CEP120: variants seen among roughly 807,000 people sequenced by gnomAD.
The protein encoded by CEP120 is centrosomal protein 120.
In CEP120, 113 loss-of-function variants were observed where a neutral mutation model predicts 126.5. The observed-to-expected ratio is 0.89, with a 90% CI of 0.77 to 1.04. The LOEUF is 1.04. CEP120 is among the 50% of genes least tolerant of loss of function. The probability of loss-of-function intolerance (pLI) is 0.00; values close to 1 mark genes in which losing one functional copy is unlikely to be tolerated. For synonymous variants in CEP120, 400 were observed against 394.3 expected (o/e 1.01, Z -0.17); for missense variants, 1,230 against 1,155.7 (o/e 1.06, Z -0.93).
chr5:123,388,603 C>G lies in CEP120; in HGVS notation c.1259G>C (p.Ser420Thr). The change falls in exon 9 of 20, where the codon AGT (serine) becomes ACT (threonine). Residue 420 changes from serine to threonine, a missense_variant. Transcript: ENST00000306467. Reference protein sequence around the residue: ...DKDTKPNPKASSSVPASLAQL... With the variant: ...DKDTKPNPKATSSVPASLAQL... ...GGCCAGTGAAGCAGGTACAGAAGAA[C>G]TGGCTGAAATGAACATAAAATAAAA... 2 of 1,567,784 alleles carry G rather than the reference C, an allele frequency of 1.3e-6. No homozygotes were observed. The highest frequency in any genetic ancestry group is 1.7e-6 in the Non-Finnish European group (2 of 1,162,164).
At chr5:123,400,946 G>A (rs1037466339) in intron 4 of CEP120, 16 of 1,553,840 alleles carry the variant, frequency 1.0e-5, no homozygotes, top group African/African-American at 4.1e-5. Flanking sequence ...CAGAGGACTC[G>A]GACACCAGCT....
At chr5:123,391,577 G>A (rs111540081) in intron 6 of CEP120, among the ~76,000 whole-genome samples, 7 of 146,528 alleles carry the variant, frequency 4.8e-5, no homozygotes, top group African/African-American at 1.0e-4. Flanking sequence ...TTCTTCTTTC[G>A]GTATTACATA....
At position 123,379,073 on chromosome 5, in the gene CEP120, G is replaced by A. The variant is rs188869226; in HGVS notation, c.2104-645C>T. Among the ~76,000 whole-genome samples the A allele has an allele frequency of 1.2e-3, 182 of 152,130 alleles. 1 individual carries two copies. The highest frequency in any genetic ancestry group is 4.0e-3 in the African/African-American group (167 of 41,508). ...TAGTCAAAGAAGCCAAATAGAGGAA[G>A]TGTTTCAAAGACAGAGATAAACCGG... On this transcript the variant is annotated intron_variant, in intron 14 of 19. Coordinates refer to ENST00000306467, the MANE Select transcript of CEP120 (RefSeq NM_001375405.1).
At chr5:123,399,599 A>T (rs1773039519) in intron 4 of CEP120, among the ~76,000 whole-genome samples, 1 of 152,248 alleles carries the variant, frequency 6.6e-6, no homozygotes, top group Admixed American at 6.5e-5. Context: ...GATATGGCTA[A>T]GAAGAAAAGG....
At chr5:123,403,425 A>G in intron 4 of CEP120, 2 of 405,550 alleles carry the variant, frequency 4.9e-6, no homozygotes, top group Non-Finnish European at 9.6e-6. Flanking sequence ...GGCTGCCCAA[A>G]TCTGGGACAA....
intron 14 of CEP120, 131 bp downstream of exon 14, chr5:123,381,980 A>T: frequency 1.7e-6 from 1 of 601,454 alleles, no homozygotes; most frequent in Non-Finnish European, 2.8e-6. Flanking sequence ...CAGAGCCACC[A>T]CTCACTTCTT....
At chr5:123,403,019 G>A (rs766324932) in intron 4 of CEP120, among the ~76,000 whole-genome samples, 82 of 152,332 alleles carry the variant, frequency 5.4e-4, no homozygotes, top group Non-Finnish European at 9.1e-4. Flanking sequence ...CCAGCACTGC[G>A]AGAAATAAAT....
chr5:123,349,321 T>C (rs1156600364), intron 19 of CEP120, among the ~76,000 whole-genome samples: 1 of 152,102 alleles, frequency 6.6e-6, no homozygotes, highest in African/African-American at 2.4e-5. Context: ...GGTGAAAATA[T>C]CTTCCTCACA....
At chr5:123,403,476 A>G (rs566444102) in intron 4 of CEP120, 8 of 343,094 alleles carry the variant, frequency 2.3e-5, no homozygotes, top group Non-Finnish European at 4.5e-5. Flanking sequence ...ACTAAATAAA[A>G]AGAGAAAACT....
chr5:123,365,129 A>G (rs564617156), intron 17 of CEP120, among the ~76,000 whole-genome samples: 7 of 151,870 alleles, frequency 4.6e-5, no homozygotes, highest in African/African-American at 1.7e-4. Context: ...GAAAGAGTAC[A>G]AAGTCAAAAA....
chr5:123,365,387 G>C (rs1770384851), intron 17 of CEP120, among the ~76,000 whole-genome samples: 1 of 151,674 alleles, frequency 6.6e-6, no homozygotes, highest in African/African-American at 2.4e-5. Context: ...CCAACAGACA[G>C]TTTTACTATT....
chr5:123,422,804 C>T (rs1057338264), intron 1 of CEP120, 146 bp downstream of exon 1: 2 of 801,716 alleles, frequency 2.5e-6, no homozygotes, highest in Non-Finnish European at 4.2e-6. Context: ...CCTAACAGAC[C>T]TCACTACGTA....
chr5:123,363,558 A>G, intron 18 of CEP120, among the ~76,000 whole-genome samples: 1 of 151,656 alleles, frequency 6.6e-6, no homozygotes, highest in East Asian at 1.9e-4. Flanking sequence ...ACATTATTTT[A>G]TATTTACATA....
At chr5:123,394,890 A>C (rs1244515414) in intron 5 of CEP120, among the ~76,000 whole-genome samples, 1 of 152,212 alleles carries the variant, frequency 6.6e-6, no homozygotes. Context: ...AATTTTAGAA[A>C]AATTACTTAA....
intron 14 of CEP120, 104 bp from the exon 15 acceptor site, chr5:123,378,532 C>G (rs1771424605): frequency 3.5e-6 from 2 of 570,518 alleles, no homozygotes; most frequent in South Asian, 7.6e-5. Flanking sequence ...AACAGAGGAC[C>G]TAAGAATAGG....
intron 8 of CEP120, 139 bp downstream of exon 8, chr5:123,389,785 C>T: frequency 1.4e-6 from 1 of 711,146 alleles, no homozygotes; most frequent in Non-Finnish European, 2.3e-6. Context: ...CAGGCGTGAG[C>T]CACCGTGCCC....
chr5:123,347,196 G>T (rs1156820163), intron 19 of CEP120, among the ~76,000 whole-genome samples: 2 of 152,038 alleles, frequency 1.3e-5, no homozygotes, highest in African/African-American at 4.8e-5. Flanking sequence ...TTTATATAGA[G>T]ATTTTTTAAT....
At chr5:123,405,389 G>C (rs1483048720) in intron 4 of CEP120, among the ~76,000 whole-genome samples, 1 of 152,182 alleles carries the variant, frequency 6.6e-6, no homozygotes, top group Non-Finnish European at 1.5e-5. Context: ...TTCTGGCATA[G>C]GGAAGAGAAA....
At chr5:123,415,795 T>G (rs1774341868) in intron 3 of CEP120, among the ~76,000 whole-genome samples, 1 of 152,008 alleles carries the variant, frequency 6.6e-6, no homozygotes, top group South Asian at 2.1e-4. Flanking sequence ...TTGCTTGAAC[T>G]TGGGAAGCGG....
Sources: gnomAD v4.1 joint callset for allele counts (sites outside exome capture counted in the v4.1 genomes callset) on GRCh38, gnomAD v4.1.1 for gene constraint, MANE v1.5 for transcripts, NCBI Gene and HGNC (gene_info 2026-07-23, HGNC 2026-07-21) for gene names.